MAP2K1: variants seen among roughly 807,000 people sequenced by gnomAD.
MAP2K1 encodes dual specificity mitogen-activated protein kinase kinase 1.
MAP2K1 carries 16 observed loss-of-function variants against 46.3 expected under a neutral mutation model. The ratio of observed to expected loss-of-function variants is 0.35; its 90% CI spans 0.23 to 0.52. The LOEUF is 0.52. Among genes scored for constraint, MAP2K1 ranks in the 20% least tolerant of loss-of-function variants. The pLI is 0.94. For synonymous variants in MAP2K1, 183 were observed against 185.6 expected (o/e 0.99, Z 0.11); for missense variants, 263 against 497.1 (o/e 0.53, Z 4.48).
rs1370383917 is a variant in MAP2K1, at chr15:66,387,335, A to G, written c.-13A>G. On this transcript the variant is annotated 5_prime_UTR_variant, in exon 1 of 11. Coordinates refer to ENST00000307102, the MANE Select transcript of MAP2K1 (RefSeq NM_002755.4). ...CTCCCCCCGGAGTTGGAAGCGCGTTACCCGGGTCCAAAATGCCCAAGAAGA... is the reference window on the plus strand; with the variant it reads ...CTCCCCCCGGAGTTGGAAGCGCGTTGCCCGGGTCCAAAATGCCCAAGAAGA... 3 of 1,553,052 alleles carry G rather than the reference A, an allele frequency of 1.9e-6. No homozygotes were observed. The East Asian group carries it at 7.2e-5, about 37-fold the overall frequency.
rs554095930 is a variant in MAP2K1, at chr15:66,441,732, C to T, written c.439-1548C>T. Among the ~76,000 whole-genome samples, 17 of 147,348 alleles carry T rather than the reference C, an allele frequency of 1.2e-4. 2 individuals carry two copies. In the South Asian group the frequency reaches 3.7e-3, roughly 32 times the overall value. ...AGGAGAGAGTGTGTTCTATCTTTAT[C>T]TTAAAGGTTTAAAAAAAGACAAAAA... On this transcript the variant is annotated intron_variant, in intron 3 of 10. Coordinates refer to ENST00000307102, the MANE Select transcript of MAP2K1 (RefSeq NM_002755.4).
chr15:66,463,136 G>T (rs1892371216), intron 5 of MAP2K1, among the ~76,000 whole-genome samples: 2 of 152,150 alleles, frequency 1.3e-5, no homozygotes, highest in Admixed American at 6.6e-5. Context: ...TTGTGGGTGG[G>T]GCTCCTTCGG....
intron 5 of MAP2K1, chr15:66,444,988 G>A (rs919665317): frequency 6.4e-6 from 3 of 465,408 alleles, no homozygotes; most frequent in Admixed American, 6.9e-5. Flanking sequence ...CCCAGTCTCC[G>A]GTGTCACTAT....
At chr15:66,485,239 C>T in intron 7 of MAP2K1, 48 bp downstream of exon 7, 3 of 1,556,798 alleles carry the variant, frequency 1.9e-6, no homozygotes, top group East Asian at 4.5e-5. Flanking sequence ...AGGGGAGGGT[C>T]CCTTACTTTC....
rs115928063 is a variant in MAP2K1 at position 66,399,519 on chromosome 15, G to A, written c.80+12092G>A. 5.4e-3 allele frequency among the ~76,000 whole-genome samples: 791 copies of A among 146,454 alleles called. 4 individuals are homozygous for A. Among genetic ancestry groups the A allele is most frequent in the African/African-American group, 0.019 (742 of 39,632 alleles). ...AGGCTGCAGCGCAGTGGTGTGGATCGTGGCTCACTGCAGCCTCACCGTCTG... is the reference window on the plus strand; with the variant it reads ...AGGCTGCAGCGCAGTGGTGTGGATCATGGCTCACTGCAGCCTCACCGTCTG... On this transcript the variant is annotated intron_variant, in intron 1 of 10. Coordinates refer to ENST00000307102, the MANE Select transcript of MAP2K1 (RefSeq NM_002755.4).
At chr15:66,414,508 G>A (rs2140542659) in intron 1 of MAP2K1, among the ~76,000 whole-genome samples, 1 of 152,250 alleles carries the variant, frequency 6.6e-6, no homozygotes, top group East Asian at 1.9e-4. Context: ...TTCACCTCTT[G>A]GAATCAGGGC....
At chr15:66,443,082 ATTTTTT>A (rs398027713) in intron 3 of MAP2K1, among the ~76,000 whole-genome samples, 192 bp from the exon 4 acceptor site, 2 of 91,064 alleles carry the variant, frequency 2.2e-5, no homozygotes, top group African/African-American at 4.5e-5. Context: ...TTGTGTGTGT[ATTTTTT>A]TTTTTTTTTT....
intron 1 of MAP2K1, among the ~76,000 whole-genome samples, chr15:66,402,312 C>T (rs531616543): frequency 2.6e-5 from 4 of 152,198 alleles, no homozygotes; most frequent in African/African-American, 4.8e-5. Context: ...TTAATATGCT[C>T]GGTATGAGGT....
chr15:66,453,732 T>C (rs1377854275), intron 5 of MAP2K1, among the ~76,000 whole-genome samples: 1 of 152,238 alleles, frequency 6.6e-6, no homozygotes, highest in Non-Finnish European at 1.5e-5. Flanking sequence ...AGAGGTCTTT[T>C]CTCTGCCTCA....
intron 1 of MAP2K1, among the ~76,000 whole-genome samples, chr15:66,422,600 G>A (rs1201897727): frequency 1.3e-5 from 2 of 152,106 alleles, no homozygotes; most frequent in East Asian, 1.9e-4. Flanking sequence ...AAAAATGAAC[G>A]TATATGAACA....
chr15:66,399,928 T>C (rs1472258616), intron 1 of MAP2K1, among the ~76,000 whole-genome samples: 1 of 151,964 alleles, frequency 6.6e-6, no homozygotes, highest in African/African-American at 2.4e-5. Flanking sequence ...AATTTTAGAT[T>C]CAGGGGGTAT....
chr15:66,488,365 G>A (rs748367992), intron 8 of MAP2K1, among the ~76,000 whole-genome samples: 19 of 152,160 alleles, frequency 1.2e-4, no homozygotes, highest in Admixed American at 1.2e-3. Flanking sequence ...CACTAGGTTG[G>A]GCTTTGTGGT....
intron 5 of MAP2K1, among the ~76,000 whole-genome samples, chr15:66,463,635 A>C (rs576361550): frequency 6.6e-5 from 10 of 152,352 alleles, no homozygotes; most frequent in Admixed American, 2.6e-4. Flanking sequence ...GGCGCCTGCC[A>C]CTACGCCCGG....
intron 1 of MAP2K1, among the ~76,000 whole-genome samples, chr15:66,410,902 A>G (rs1031504550): frequency 6.6e-6 from 1 of 152,170 alleles, no homozygotes. Context: ...CTGCAGATGA[A>G]GAGTTCAGCC....
chr15:66,411,910 G>A (rs942511498), intron 1 of MAP2K1, among the ~76,000 whole-genome samples: 17 of 152,304 alleles, frequency 1.1e-4, no homozygotes, highest in African/African-American at 4.1e-4. Context: ...ATTTAAGGCA[G>A]GAGAGAGATC....
chr15:66,393,059 C>G (rs970096211), intron 1 of MAP2K1, among the ~76,000 whole-genome samples: 1 of 152,286 alleles, frequency 6.6e-6, no homozygotes, highest in African/African-American at 2.4e-5. Flanking sequence ...CCTTGCACAT[C>G]CTTGTCTCCT....
chr15:66,456,775 ACAGATGG>A (rs1378695344), intron 5 of MAP2K1, among the ~76,000 whole-genome samples: 1 of 152,232 alleles, frequency 6.6e-6, no homozygotes, highest in Non-Finnish European at 1.5e-5. Flanking sequence ...CTGTGGTACA[ACAGATGG>A]CGCCTCTTGA....
intron 3 of MAP2K1, among the ~76,000 whole-genome samples, chr15:66,440,282 G>C (rs2093500213): frequency 6.6e-6 from 1 of 152,142 alleles, no homozygotes; most frequent in Non-Finnish European, 1.5e-5. Context: ...AGAAGAAATG[G>C]GGTTTCACTA....
At chr15:66,389,164 C>T (rs980149526) in intron 1 of MAP2K1, among the ~76,000 whole-genome samples, 5 of 152,088 alleles carry the variant, frequency 3.3e-5, no homozygotes, top group Non-Finnish European at 5.9e-5. Flanking sequence ...CCTCGGCCTC[C>T]GAAAATGCTG....
Sources: allele counts gnomAD v4.1 joint callset (sites outside exome capture counted in the v4.1 genomes callset), GRCh38; gene constraint gnomAD v4.1.1; transcripts MANE v1.5; gene names NCBI Gene and HGNC (gene_info 2026-07-23, HGNC 2026-07-21).